FLYWCH1: variants seen among roughly 807,000 people sequenced by gnomAD.
The protein encoded by FLYWCH1 is FLYWCH-type zinc finger 1.
Under a neutral mutation model 66.4 loss-of-function variants are expected in FLYWCH1, and 75 were observed. The observed-to-expected ratio is 1.13, with a 90% CI of 0.94 to 1.37. The LOEUF is 1.37. Among genes scored for constraint, FLYWCH1 ranks in the 40% most tolerant of loss-of-function variants. FLYWCH1 has a pLI of 0.00. For missense variants in FLYWCH1, 1,334 were observed against 1,001.8 expected (o/e 1.33, Z -4.48); for synonymous variants, 595 against 429.9 (o/e 1.38, Z -4.75).
chr16:2,923,284 G>A (rs530612843), intron 2 of FLYWCH1: 9 of 244,632 alleles, frequency 3.7e-5, no homozygotes, highest in Non-Finnish European at 1.6e-5. Context: ...GTCTCGCTCT[G>A]TCGCCCAGGC....
At chr16:2,928,192 C>T (rs995817794) in intron 2 of FLYWCH1, among the ~76,000 whole-genome samples, 14 of 152,174 alleles carry the variant, frequency 9.2e-5, no homozygotes, top group African/African-American at 3.4e-4. Context: ...AACGAATGGT[C>T]GGCTTTACAC....
Position 2,950,308 on chromosome 16 carries a change from G to T in FLYWCH1, c.*1581G>T, listed in dbSNP as rs1303792981. The T allele has an allele frequency of 6.5e-6, 1 of 152,674 alleles. No homozygotes were observed. The highest frequency in any genetic ancestry group is 1.5e-5 in the Non-Finnish European group (1 of 68,426). The allele number at this position is 152,674 out of a possible 1,614,324, so 9.5% of individuals were successfully genotyped here. A position where few individuals can be genotyped will look rare whatever the true frequency, so the allele number is the denominator to read the frequency against. On this transcript the variant is annotated 3_prime_UTR_variant, in exon 10 of 10. Coordinates refer to ENST00000253928, the MANE Select transcript of FLYWCH1 (RefSeq NM_001308068.2). ...CCTAACTGCCCCCAGCTGGACTCAT[G>T]GCCAAGGCTACAGACCCAGTACTCC...
intron 5 of FLYWCH1, 56 bp downstream of exon 5, chr16:2,933,638 G>A (rs764618931): frequency 1.9e-6 from 3 of 1,562,340 alleles, no homozygotes; most frequent in South Asian, 2.4e-5. Flanking sequence ...GCCTCCAGAG[G>A]TCCAGGGAGG....
At position 2,930,598 on chromosome 16, in the gene FLYWCH1, C is replaced by T; in HGVS notation, c.514C>T (p.His172Tyr). The change falls in exon 4 of 10, where the codon CAC becomes TAC. Residue 172 changes from histidine (H) to tyrosine (Y), a missense_variant. Physicochemically the swap from His to Tyr is moderately conservative, Grantham distance 83. Transcript: ENST00000253928. ...RGLRATVMRG[H>Y]CHAPDEQGLE... ...CCTGCGGGCCACAGTGATGCGGGGCCACTGCCACGCGCCCGATGAGCAAGG... is the reference window on the plus strand; with the variant it reads ...CCTGCGGGCCACAGTGATGCGGGGCTACTGCCACGCGCCCGATGAGCAAGG... 6.4e-7 allele frequency: 1 copy of T among 1,553,008 alleles called. No homozygotes were observed.
chr16:2,938,880 AGGATTACAGGC>A (rs2150992440), intron 8 of FLYWCH1, among the ~76,000 whole-genome samples: 1 of 151,134 alleles, frequency 6.6e-6, no homozygotes, highest in East Asian at 2.0e-4. Context: ...CCAAAGTGCT[AGGATTACAGGC>A]GTGAGTCACT....
At chr16:2,933,636 A>G (rs1836517595) in intron 5 of FLYWCH1, 54 bp downstream of exon 5, 1 of 1,558,970 alleles carries the variant, frequency 6.4e-7, no homozygotes, top group East Asian at 2.3e-5. Context: ...TTGCCTCCAG[A>G]GGTCCAGGGA....
At chr16:2,945,485 CAAAA>C (rs60942194) in intron 9 of FLYWCH1, among the ~76,000 whole-genome samples, 17 of 87,914 alleles carry the variant, frequency 1.9e-4, no homozygotes, top group Admixed American at 2.6e-4. Context: ...GACTCCATCT[CAAAA>C]AAAAAAAAAA....
intron 2 of FLYWCH1, among the ~76,000 whole-genome samples, chr16:2,925,534 G>T (rs1216444422): frequency 7.0e-6 from 1 of 141,848 alleles, no homozygotes; most frequent in African/African-American, 2.6e-5. Context: ...AGAAGGACTT[G>T]TGCCCAGGCC....
At chr16:2,933,043 C>A in intron 4 of FLYWCH1, 87 bp from the exon 5 acceptor site, 1 of 1,180,356 alleles carries the variant, frequency 8.5e-7, no homozygotes, top group Non-Finnish European at 1.2e-6. Flanking sequence ...GAGAAAGGCT[C>A]GTGTCAGCCC....
Position 2,937,331 on chromosome 16 carries a change from A to G in FLYWCH1, c.1724A>G (p.Glu575Gly). 6.3e-7 allele frequency: 1 copy of G among 1,599,972 alleles called. No homozygotes were observed. The highest frequency in any genetic ancestry group is 8.5e-7 in the Non-Finnish European group (1 of 1,173,020). Reference sequence around the variant, plus strand: ...CACCCACCGGACCTGGGCGGCCTGGAGGCCCTGCGGCAGCGGGAGCACTTC... The same window carrying G: ...CACCCACCGGACCTGGGCGGCCTGGGGGCCCTGCGGCAGCGGGAGCACTTC... ...HCHPPDLGGL[E>G]ALRQREHFPN... The change falls in exon 7 of 10, where the codon GAG becomes GGG. Residue 575 changes from glutamate (E) to glycine (G), a missense_variant. By Grantham distance (98) the Glu-to-Gly change is moderately conservative. Coordinates refer to ENST00000253928, the MANE Select transcript of FLYWCH1 (RefSeq NM_001308068.2).
intron 1 of FLYWCH1, chr16:2,913,089 A>G (rs543560421): frequency 2.0e-5 from 3 of 152,368 alleles, no homozygotes; most frequent in African/African-American, 7.2e-5. Flanking sequence ...CTGATGATGC[A>G]CTAAGGCTGG....
rs373999632 is a variant in FLYWCH1 at position 2,938,272 on chromosome 16, G to C, written c.1866G>C (p.Ala622=). 7 of 1,612,992 alleles carry C rather than the reference G, an allele frequency of 4.3e-6. No individual in the cohort carries two copies. The highest frequency in any genetic ancestry group is 1.1e-5 in the South Asian group (1 of 91,024). ...HESFLYRKEK[A]AGEKVYWMCR... ...CCTTCCTCTACAGGAAGGAGAAGGC[G>C]GCTGGGGAGAAGGTGTACTGGATGT... is the stretch of plus-strand genomic sequence containing the variant. The change falls in exon 8 of 10, where the codon GCG becomes GCC. Residue 622 remains alanine, a synonymous_variant. Coordinates refer to ENST00000253928, the MANE Select transcript of FLYWCH1 (RefSeq NM_001308068.2).
intron 6 of FLYWCH1, 148 bp from the exon 7 acceptor site, chr16:2,936,973 G>C: frequency 1.2e-6 from 1 of 815,440 alleles, no homozygotes; most frequent in East Asian, 4.2e-5. Context: ...CAGAGTTGGG[G>C]GGATGGTGGC....
chr16:2,936,703 C>T (rs1222563812), intron 6 of FLYWCH1: 2 of 467,698 alleles, frequency 4.3e-6, no homozygotes, highest in African/African-American at 4.0e-5. Context: ...ACCTGCGCGG[C>T]TCTCGGGGGC....
intron 9 of FLYWCH1, among the ~76,000 whole-genome samples, chr16:2,945,458 G>C (rs2071437867): frequency 7.4e-6 from 1 of 134,304 alleles, no homozygotes; most frequent in Admixed American, 8.1e-5. Context: ...CTGCATTCCA[G>C]CCTGGTGGCA....
At chr16:2,947,976 G>A (rs1368032881) in intron 9 of FLYWCH1, among the ~76,000 whole-genome samples, 2 of 152,064 alleles carry the variant, frequency 1.3e-5, no homozygotes, top group Non-Finnish European at 2.9e-5. Context: ...AGGAGGTGGA[G>A]GCTGCAGTGA....
intron 2 of FLYWCH1, among the ~76,000 whole-genome samples, chr16:2,927,181 C>T (rs990946678): frequency 6.6e-6 from 1 of 152,168 alleles, no homozygotes; most frequent in African/African-American, 2.4e-5. Context: ...CCACAGGGCG[C>T]GGCGCTGTGT....
At chr16:2,946,247 A>ACCCACCCACAGCAACTT (rs1390183008) in intron 9 of FLYWCH1, among the ~76,000 whole-genome samples, 11 of 146,338 alleles carry the variant, frequency 7.5e-5, no homozygotes, top group Non-Finnish European at 1.6e-4. Context: ...ACGTTCACTC[A>ACCCACCCACAGCAACTT]CCCACCCACA....
intron 2 of FLYWCH1, among the ~76,000 whole-genome samples, 168 bp downstream of exon 2, chr16:2,914,457 T>G (rs1289483263): frequency 1.3e-5 from 2 of 152,240 alleles, no homozygotes; most frequent in Admixed American, 1.3e-4. Flanking sequence ...AGCGTCCCAG[T>G]AGGCCATCTG....
Sources: gnomAD v4.1 joint callset for allele counts (sites outside exome capture counted in the v4.1 genomes callset) on GRCh38, gnomAD v4.1.1 for gene constraint, MANE v1.5 for transcripts, NCBI Gene and HGNC (gene_info 2026-07-23, HGNC 2026-07-21) for gene names.